ROR2: variants seen among roughly 807,000 people sequenced by gnomAD.
The protein encoded by ROR2 is tyrosine-protein kinase transmembrane receptor ROR2.
In ROR2, 33 loss-of-function variants were observed where a neutral mutation model predicts 74.9. The observed-to-expected ratio is 0.44, with a 90% CI of 0.33 to 0.59. The LOEUF (loss-of-function observed/expected upper bound fraction) is 0.59, where lower values mean the gene tolerates loss of function less well. Among genes scored for constraint, ROR2 ranks in the 20% least tolerant of loss-of-function variants. ROR2 has a pLI of 0.02. For missense variants in ROR2, 1,216 were observed against 1,313.8 expected, an observed-to-expected ratio of 0.93 and a Z score of 1.15; for synonymous variants, 586 against 558.7, an observed-to-expected ratio of 1.05 and a Z score of -0.69.
At chr9:91,850,282 T>G (rs1022076857) in intron 1 of ROR2, among the ~76,000 whole-genome samples, 1 of 152,230 alleles carries the variant, frequency 6.6e-6, no homozygotes, top group Non-Finnish European at 1.5e-5. Context: ...TAATATAGTG[T>G]GGAAGACAGA....
intron 1 of ROR2, among the ~76,000 whole-genome samples, chr9:91,862,278 TG>T (rs1170741159): frequency 6.6e-6 from 1 of 151,204 alleles, no homozygotes; most frequent in African/African-American, 2.4e-5. Flanking sequence ...TGCAGTGAGC[TG>T]ACATCACGCC....
At chr9:91,924,568 C>T (rs1345581664) in intron 1 of ROR2, among the ~76,000 whole-genome samples, 5 of 152,052 alleles carry the variant, frequency 3.3e-5, no homozygotes, top group Non-Finnish European at 4.4e-5. Flanking sequence ...CAGAGGCGGG[C>T]GGATCACGAG....
At chr9:91,884,442 A>G (rs1253083867) in intron 1 of ROR2, among the ~76,000 whole-genome samples, 1 of 149,876 alleles carries the variant, frequency 6.7e-6, no homozygotes, top group African/African-American at 2.5e-5. Context: ...TACAAAAAGA[A>G]TTACTTACTC....
chr9:91,731,368 G>A (rs943810644), intron 6 of ROR2, among the ~76,000 whole-genome samples: 22 of 152,166 alleles, frequency 1.4e-4, no homozygotes, highest in Non-Finnish European at 2.9e-5. Flanking sequence ...CTTGTCTAAA[G>A]TTATTCCACA....
intron 1 of ROR2, among the ~76,000 whole-genome samples, chr9:91,911,374 C>T (rs1016688213): frequency 6.6e-6 from 1 of 152,214 alleles, no homozygotes; most frequent in African/African-American, 2.4e-5. Flanking sequence ...TGTGACTGTA[C>T]TGAATACTGT....
chr9:91,897,763 G>T (rs1042468293), intron 1 of ROR2, among the ~76,000 whole-genome samples: 2 of 152,170 alleles, frequency 1.3e-5, no homozygotes, highest in Admixed American at 6.5e-5. Flanking sequence ...ACACTCAAGA[G>T]AAATAAGTGG....
chr9:91,932,265 G>A (rs1831566512), intron 1 of ROR2, among the ~76,000 whole-genome samples: 1 of 152,046 alleles, frequency 6.6e-6, no homozygotes, highest in Non-Finnish European at 1.5e-5. Flanking sequence ...GAATGGCAAA[G>A]GGATTCTAAT....
chr9:91,775,399 C>T (rs1467670405), intron 2 of ROR2, among the ~76,000 whole-genome samples: 1 of 152,070 alleles, frequency 6.6e-6, no homozygotes, highest in African/African-American at 2.4e-5. Context: ...GGAGGAGGGC[C>T]GTCCATCTGC....
At chr9:91,898,085 C>T (rs976719129) in intron 1 of ROR2, among the ~76,000 whole-genome samples, 1 of 152,146 alleles carries the variant, frequency 6.6e-6, no homozygotes, top group African/African-American at 2.4e-5. Context: ...CTGACTCCCA[C>T]AAGCCTGTCT....
intron 2 of ROR2, among the ~76,000 whole-genome samples, chr9:91,773,966 C>A (rs937893270): frequency 3.3e-5 from 5 of 152,216 alleles, no homozygotes; most frequent in Non-Finnish European, 7.3e-5. Flanking sequence ...TTCCCCAGAC[C>A]TGTAAAATCC....
chr9:91,801,199 G>A (rs1395008981), intron 1 of ROR2, among the ~76,000 whole-genome samples: 2 of 152,152 alleles, frequency 1.3e-5, no homozygotes. Flanking sequence ...GTCTTGCCAT[G>A]TTTCCATAGT....
chr9:91,746,780 AG>A (rs1299116265), intron 4 of ROR2, among the ~76,000 whole-genome samples: 1 of 152,214 alleles, frequency 6.6e-6, no homozygotes, highest in Non-Finnish European at 1.5e-5. Flanking sequence ...CCATGGCCCC[AG>A]GAAGGTGATT....
rs770244479 is a variant in ROR2, at chr9:91,910,050, T to C, written c.97+39817A>G. On this transcript the variant is annotated intron_variant, in intron 1 of 8. Coordinates refer to ENST00000375708, the MANE Select transcript of ROR2 (RefSeq NM_004560.4). ...CTAATTTTTGTATTTTTAGTAGAGA[T>C]GGGGTTTTGCCATATTGGCCAGGCT... Among the ~76,000 whole-genome samples the C allele has an allele frequency of 2.4e-4, 36 of 151,552 alleles. No individual in the cohort carries two copies. In the Middle Eastern group the frequency reaches 0.01, roughly 43 times the overall value.
At chr9:91,760,535 G>A (rs1197591482) in intron 2 of ROR2, among the ~76,000 whole-genome samples, 1 of 151,886 alleles carries the variant, frequency 6.6e-6, no homozygotes, top group Non-Finnish European at 1.5e-5. Flanking sequence ...TCGGGAGGCT[G>A]AGGCAGGAGA....
At chr9:91,894,109 G>A (rs1830484312) in intron 1 of ROR2, among the ~76,000 whole-genome samples, 1 of 152,064 alleles carries the variant, frequency 6.6e-6, no homozygotes, top group Admixed American at 6.6e-5. Flanking sequence ...ACTGGTCCCT[G>A]CTCCCCAACT....
chr9:91,733,550 C>A lies in ROR2; in HGVS notation c.623-114G>T. ...GACTGCCCACTCAGCCCCCTGATGC[C>A]CCGCCCCGCCCCAGACTCCCCAACC... On this transcript the variant is annotated intron_variant, in intron 5 of 8. Transcript: ENST00000375708. This position sits in a 1 kb window ranked among gnomAD's most constrained non-coding sequence, Gnocchi z 5.7. The A allele has an allele frequency of 1.7e-6, 2 of 1,168,632 alleles. No homozygotes were observed. The highest frequency in any genetic ancestry group is 2.4e-6 in the Non-Finnish European group (2 of 832,060). The allele number at this position is 1,168,632 out of a possible 1,614,324, so 72.4% of individuals were successfully genotyped here.
chr9:91,932,128 T>C (rs926417381), intron 1 of ROR2, among the ~76,000 whole-genome samples: 3 of 152,186 alleles, frequency 2.0e-5, no homozygotes, highest in Non-Finnish European at 4.4e-5. Flanking sequence ...TTCAGGACAA[T>C]TCATTTTTCT....
chr9:91,854,439 T>TCTG (rs1327209472), intron 1 of ROR2, among the ~76,000 whole-genome samples: 1 of 152,190 alleles, frequency 6.6e-6, no homozygotes, highest in East Asian at 1.9e-4. Flanking sequence ...GACAGCACAC[T>TCTG]CTGCTGCTGC....
intron 1 of ROR2, among the ~76,000 whole-genome samples, chr9:91,924,079 T>C (rs986306716): frequency 6.6e-5 from 10 of 152,272 alleles, no homozygotes; most frequent in African/African-American, 2.4e-4. Context: ...CAGCTGATTC[T>C]TTCCTGCTCT....
Sources: allele counts gnomAD v4.1 joint callset (sites outside exome capture counted in the v4.1 genomes callset), GRCh38; gene constraint gnomAD v4.1.1; non-coding constraint Gnocchi (gnomAD v3.1); transcripts MANE v1.5; gene names NCBI Gene and HGNC (gene_info 2026-07-23, HGNC 2026-07-21).